The following SMYD3 variants were observed in gnomAD, a reference collection of about 807,000 sequenced individuals.
The protein encoded by SMYD3 is histone-lysine N-methyltransferase SMYD3.
A neutral mutation model predicts 57.7 loss-of-function variants in SMYD3; 36 were observed. The observed-to-expected ratio is 0.62, with a 90% confidence interval of 0.48 to 0.82. The LOEUF (loss-of-function observed/expected upper bound fraction) is 0.82, where lower values mean the gene tolerates loss of function less well. Among genes scored for constraint, SMYD3 ranks in the 40% least tolerant of loss-of-function variants. The pLI is 0.00. For missense variants in SMYD3, 515 were observed against 538.8 expected (o/e 0.96, Z 0.44); for synonymous variants, 211 against 195.0 (o/e 1.08, Z -0.68).
intron 5 of SMYD3, among the ~76,000 whole-genome samples, chr1:246,089,266 A>G (rs2060779695): frequency 6.6e-6 from 1 of 152,196 alleles, no homozygotes; most frequent in Non-Finnish European, 1.5e-5. Context: ...TGTGTGAGCC[A>G]CTAAGCCCAG....
At position 245,968,512 on chromosome 1, in the gene SMYD3, A is replaced by C. The variant is rs139546056; in HGVS notation, c.532-38575T>G. Among the ~76,000 whole-genome samples the C allele has an allele frequency of 1.6e-3, 246 of 152,312 alleles. 2 individuals carry two copies. Among genetic ancestry groups the C allele is most frequent in the African/African-American group, 5.3e-3 (219 of 41,564 alleles). ...ATGATGCAGAATTCACCTTATATTG[A>C]AAAAGGCAGGTAGTGAAGGAAATTC... is the stretch of plus-strand genomic sequence containing the variant. On this transcript the variant is annotated intron_variant, in intron 5 of 11. Coordinates refer to ENST00000490107, the MANE Select transcript of SMYD3 (RefSeq NM_001167740.2).
At chr1:246,466,343 G>A (rs1025328463) in intron 1 of SMYD3, among the ~76,000 whole-genome samples, 2 of 152,098 alleles carry the variant, frequency 1.3e-5, no homozygotes, top group African/African-American at 2.4e-5. Context: ...CTATGCATGC[G>A]GCCATAAAAA....
chr1:245,872,169 G>C (rs2052231483), intron 8 of SMYD3, among the ~76,000 whole-genome samples: 1 of 152,238 alleles, frequency 6.6e-6, no homozygotes, highest in Non-Finnish European at 1.5e-5. Flanking sequence ...ATGTCTTCCA[G>C]ATGCTGTCAT....
At chr1:246,149,151 C>A (rs185834668) in intron 5 of SMYD3, among the ~76,000 whole-genome samples, 28 of 152,296 alleles carry the variant, frequency 1.8e-4, no homozygotes, top group Admixed American at 7.8e-4. Context: ...TTTTAAAATA[C>A]CTCTTTTTGC....
Position 246,452,825 on chromosome 1 carries a change from T to A in SMYD3, c.164+54229A>T, listed in dbSNP as rs369464097. Among the ~76,000 whole-genome samples, 12 of 152,330 alleles carry A rather than the reference T, an allele frequency of 7.9e-5. No homozygotes were observed. In the East Asian group the frequency reaches 1.3e-3, roughly 17 times the overall value. ...ACATAATGGAAAAATACATTTCATA[T>A]CAGTCTATAACTTTCTAATGTTTTA... On this transcript the variant is annotated intron_variant, in intron 1 of 11. Coordinates refer to ENST00000490107, the MANE Select transcript of SMYD3 (RefSeq NM_001167740.2).
At chr1:246,271,625 TC>T (rs2064224719) in intron 5 of SMYD3, among the ~76,000 whole-genome samples, 1 of 152,232 alleles carries the variant, frequency 6.6e-6, no homozygotes, top group Non-Finnish European at 1.5e-5. Context: ...AGGTTTTACT[TC>T]TGGACTTTCC....
At position 246,499,197 on chromosome 1, in the gene SMYD3, G is replaced by A. The variant is rs189397963; in HGVS notation, c.164+7857C>T. Reference sequence around the variant, plus strand: ...CACGGGCCTATAGTCCCAGCTATTCGGGGGACTGAGGCAGGACAATCGCTT... The same window carrying A: ...CACGGGCCTATAGTCCCAGCTATTCAGGGGACTGAGGCAGGACAATCGCTT... On this transcript the variant is annotated intron_variant, in intron 1 of 11. Coordinates refer to ENST00000490107, the MANE Select transcript of SMYD3 (RefSeq NM_001167740.2). Among the ~76,000 whole-genome samples the A allele has an allele frequency of 1.0e-3, 151 of 151,720 alleles. 1 individual carries two copies. Among genetic ancestry groups the A allele is most frequent in the Non-Finnish European group, 1.5e-3 (104 of 67,884 alleles).
At chr1:246,092,404 A>G (rs1278278977) in intron 5 of SMYD3, among the ~76,000 whole-genome samples, 2 of 152,220 alleles carry the variant, frequency 1.3e-5, no homozygotes, top group Non-Finnish European at 2.9e-5. Flanking sequence ...CGCTTCTCAT[A>G]AAAACTGGCA....
chr1:246,391,875 C>G (rs1022252489), intron 1 of SMYD3, among the ~76,000 whole-genome samples: 4 of 152,192 alleles, frequency 2.6e-5, no homozygotes, highest in African/African-American at 9.7e-5. Flanking sequence ...TCCTATAAAT[C>G]TCATCTTACC....
At position 245,858,581 on chromosome 1, in the gene SMYD3, G is replaced by A; in HGVS notation, c.991C>T (p.Leu331Phe). 1 of 1,614,200 alleles carries A rather than the reference G, an allele frequency of 6.2e-7. No individual in the cohort carries two copies. ...PDINIYQLKV[L>F]DCAMDACINL... ...ATGCAGGCATCCATGGCGCAGTCGA[G>A]CACCTTCAGCTGGTAGATGTTGATA... is the stretch of plus-strand genomic sequence containing the variant. Residue 331 changes from leucine to phenylalanine, a missense_variant, in exon 10 of 12, where the codon CTC becomes TTC. By Grantham distance (22) the Leu-to-Phe change is conservative (BLOSUM62 0). Coordinates refer to ENST00000490107, the MANE Select transcript of SMYD3 (RefSeq NM_001167740.2).
intron 5 of SMYD3, among the ~76,000 whole-genome samples, chr1:246,307,284 C>T (rs1358685273): frequency 1.3e-5 from 2 of 152,122 alleles, no homozygotes; most frequent in East Asian, 1.9e-4. Context: ...GGCTCTTTCT[C>T]TTCATGTCTT....
chr1:245,830,649 A>G (rs2049780609), intron 10 of SMYD3, among the ~76,000 whole-genome samples: 1 of 152,206 alleles, frequency 6.6e-6, no homozygotes, highest in African/African-American at 2.4e-5. Flanking sequence ...ACAGATAGTA[A>G]TCAACAGATA....
At chr1:245,811,465 G>T (rs969842890) in intron 10 of SMYD3, among the ~76,000 whole-genome samples, 2 of 152,042 alleles carry the variant, frequency 1.3e-5, no homozygotes, top group African/African-American at 4.8e-5. Context: ...GAAAGTCTTG[G>T]GTTTCTTAGC....
intron 1 of SMYD3, among the ~76,000 whole-genome samples, chr1:246,423,903 A>G (rs921289484): frequency 2.6e-5 from 4 of 152,198 alleles, no homozygotes; most frequent in African/African-American, 9.6e-5. Context: ...ACAATGGAAC[A>G]TCTTTAAAGT....
chr1:246,044,008 G>C (rs889318767), intron 5 of SMYD3, among the ~76,000 whole-genome samples: 16 of 152,134 alleles, frequency 1.1e-4, no homozygotes, highest in Non-Finnish European at 1.9e-4. Flanking sequence ...CGTGGTTCCT[G>C]GTGTGGTTTA....
At chr1:246,326,809 A>C (rs2065360647) in intron 5 of SMYD3, 3 of 255,350 alleles carry the variant, frequency 1.2e-5, no homozygotes, top group Non-Finnish European at 1.5e-5. Flanking sequence ...TAAATTTTTC[A>C]TTTCAAAGAC....
chr1:245,874,726 G>A (rs1405004991), intron 8 of SMYD3, among the ~76,000 whole-genome samples: 1 of 152,190 alleles, frequency 6.6e-6, no homozygotes, highest in Non-Finnish European at 1.5e-5. Context: ...TTCTAGAATT[G>A]TATTTTGTAT....
chr1:246,018,262 G>C (rs1037985419), intron 5 of SMYD3, among the ~76,000 whole-genome samples: 3 of 152,104 alleles, frequency 2.0e-5, no homozygotes, highest in African/African-American at 7.2e-5. Context: ...TTTTATTCCA[G>C]TTCCTTCCCT....
intron 11 of SMYD3, among the ~76,000 whole-genome samples, chr1:245,762,936 A>G (rs1243736191): frequency 1.3e-5 from 2 of 152,128 alleles, no homozygotes; most frequent in African/African-American, 2.4e-5. Flanking sequence ...CCCGCACGCC[A>G]GGTCTCCATA....
Sources: allele counts gnomAD v4.1 joint callset (sites outside exome capture counted in the v4.1 genomes callset), GRCh38; gene constraint gnomAD v4.1.1; transcripts MANE v1.5; gene names NCBI Gene and HGNC (gene_info 2026-07-23, HGNC 2026-07-21).